ROBO2: variants seen among roughly 807,000 people sequenced by gnomAD.
ROBO2 encodes the protein roundabout homolog 2.
In ROBO2, 53 loss-of-function variants were observed where a neutral mutation model predicts 160.8. That is an observed-to-expected ratio of 0.33 (90% CI 0.26 to 0.41). ROBO2 has a LOEUF of 0.41. ROBO2 is among the 10% of genes least tolerant of loss of function. The pLI, the probability that ROBO2 is intolerant of heterozygous loss-of-function variation, is 1.00. For missense variants in ROBO2, 1,577 were observed against 1,722.4 expected, an observed-to-expected ratio of 0.92 and a Z score of 1.49; for synonymous variants, 664 against 611.7, an observed-to-expected ratio of 1.09 and a Z score of -1.26.
At chr3:77,146,249 T>C (rs1367541478) in intron 2 of ROBO2, among the ~76,000 whole-genome samples, 5 of 152,064 alleles carry the variant, frequency 3.3e-5, no homozygotes, top group African/African-American at 1.2e-4. Flanking sequence ...ATACATGAGC[T>C]TTGCATGTTT....
At chr3:76,917,411 A>G (rs760478780) in intron 2 of ROBO2, among the ~76,000 whole-genome samples, 1 of 152,218 alleles carries the variant, frequency 6.6e-6, no homozygotes, top group Non-Finnish European at 1.5e-5. Context: ...CTTCCTGACA[A>G]GAAAAATGAT....
At chr3:76,778,994 A>G (rs1353178473) in intron 2 of ROBO2, among the ~76,000 whole-genome samples, 2 of 151,030 alleles carry the variant, frequency 1.3e-5, no homozygotes, top group African/African-American at 4.8e-5. Context: ...TTATCTCCCA[A>G]TGGTAACCTG....
intron 2 of ROBO2, among the ~76,000 whole-genome samples, chr3:77,338,290 G>A (rs939606527): frequency 2.0e-5 from 3 of 151,992 alleles, no homozygotes; most frequent in African/African-American, 7.2e-5. Flanking sequence ...TTAAATCAAG[G>A]GCACTTTGTT....
At chr3:76,743,734 A>G (rs1047574227) in intron 2 of ROBO2, among the ~76,000 whole-genome samples, 1 of 151,894 alleles carries the variant, frequency 6.6e-6, no homozygotes, top group Admixed American at 6.6e-5. Flanking sequence ...CTCTTATACT[A>G]TGCAAATTTA....
intron 2 of ROBO2, among the ~76,000 whole-genome samples, chr3:77,131,945 A>T (rs2075888467): frequency 6.6e-6 from 1 of 152,122 alleles, no homozygotes; most frequent in Non-Finnish European, 1.5e-5. Flanking sequence ...TAAAAGAGTA[A>T]TATTCTAAAA....
chr3:76,655,675 AAGAG>A (rs1204496741), intron 2 of ROBO2, among the ~76,000 whole-genome samples: 2 of 147,728 alleles, frequency 1.4e-5, no homozygotes, highest in South Asian at 4.5e-4. Context: ...AAAAGAAAGA[AAGAG>A]AGGGGCAGGT....
At chr3:76,129,395 A>G (rs764043408) in intron 2 of ROBO2, among the ~76,000 whole-genome samples, 11 of 152,106 alleles carry the variant, frequency 7.2e-5, no homozygotes, top group Non-Finnish European at 1.3e-4. Flanking sequence ...TTTATATTCA[A>G]ATGTGTCTTT....
At chr3:77,031,541 T>A (rs986365103) in intron 2 of ROBO2, among the ~76,000 whole-genome samples, 12 of 146,504 alleles carry the variant, frequency 8.2e-5, no homozygotes, top group African/African-American at 1.2e-4. Flanking sequence ...TTCATTTGTA[T>A]ATTTAATAAC....
At chr3:77,314,851 G>A (rs1037388366) in intron 2 of ROBO2, among the ~76,000 whole-genome samples, 7 of 152,106 alleles carry the variant, frequency 4.6e-5, no homozygotes, top group African/African-American at 1.7e-4. Context: ...AGGGAATGTG[G>A]GTAGGGTTTG....
At chr3:76,179,981 G>C (rs958780497) in intron 2 of ROBO2, among the ~76,000 whole-genome samples, 1 of 152,096 alleles carries the variant, frequency 6.6e-6, no homozygotes, top group Non-Finnish European at 1.5e-5. Flanking sequence ...AAAATGCTTG[G>C]AAGTTATTTA....
intron 2 of ROBO2, among the ~76,000 whole-genome samples, chr3:76,194,350 G>GTGTGTGTA (rs759087780): frequency 9.5e-5 from 4 of 42,046 alleles, no homozygotes; most frequent in African/African-American, 2.4e-4. Context: ...TGTATGGTGT[G>GTGTGTGTA]TAAATATATA....
At chr3:76,335,863 A>C (rs2073856024) in intron 2 of ROBO2, among the ~76,000 whole-genome samples, 1 of 152,192 alleles carries the variant, frequency 6.6e-6, no homozygotes, top group Non-Finnish European at 1.5e-5. Flanking sequence ...GGTGTGAGCC[A>C]CCGCGCCCGG....
intron 2 of ROBO2, among the ~76,000 whole-genome samples, chr3:76,357,698 G>A (rs1307655386): frequency 1.3e-5 from 2 of 151,802 alleles, no homozygotes; most frequent in Non-Finnish European, 2.9e-5. Context: ...ACAGGATTAT[G>A]AACGAAGATA....
chr3:76,736,773 C>T (rs1263295012), intron 2 of ROBO2, among the ~76,000 whole-genome samples: 1 of 152,096 alleles, frequency 6.6e-6, no homozygotes, highest in South Asian at 2.1e-4. Context: ...GGACATAATT[C>T]GTGTACTGAA....
At chr3:76,334,580 G>A (rs2073737170) in intron 2 of ROBO2, among the ~76,000 whole-genome samples, 1 of 152,078 alleles carries the variant, frequency 6.6e-6, no homozygotes, top group African/African-American at 2.4e-5. Context: ...GAGATTGAAA[G>A]GGAAGCGGGA....
At chr3:76,174,786 T>A (rs1444757029) in intron 2 of ROBO2, among the ~76,000 whole-genome samples, 2 of 152,184 alleles carry the variant, frequency 1.3e-5, no homozygotes, top group African/African-American at 4.8e-5. Flanking sequence ...TAGTTTGAAG[T>A]CAGATAGCAT....
chr3:76,007,689 G>A (rs998820124), intron 2 of ROBO2, among the ~76,000 whole-genome samples: 2 of 152,048 alleles, frequency 1.3e-5, no homozygotes, highest in Non-Finnish European at 2.9e-5. Context: ...GGTATCCCAT[G>A]AGTAACTAAA....
intron 2 of ROBO2, among the ~76,000 whole-genome samples, chr3:76,053,264 A>G (rs2067715595): frequency 6.6e-6 from 1 of 152,010 alleles, no homozygotes; most frequent in African/African-American, 2.4e-5. Flanking sequence ...AGTTCTTTAA[A>G]TTTTACATCT....
rs543513066 is a variant in ROBO2, at chr3:76,690,007, A to C, written c.110-408007A>C. On this transcript the variant is annotated intron_variant, in intron 2 of 26. Coordinates refer to the ROBO2 transcript ENST00000487694. ...AATTGATTACTCCCACAATAGGTGA[A>C]ATATAAGGTGCCACAAGAATACATT... 3.3e-5 allele frequency among the ~76,000 whole-genome samples: 5 copies of C among 152,258 alleles called. No homozygotes were observed. The South Asian group carries it at 1.0e-3, about 32-fold the overall frequency.
Sources: gnomAD v4.1 joint callset for allele counts (sites outside exome capture counted in the v4.1 genomes callset) on GRCh38, gnomAD v4.1.1 for gene constraint, MANE v1.5 for transcripts, NCBI Gene and HGNC (gene_info 2026-07-23, HGNC 2026-07-21) for gene names.